Variants in UBE3D observed in about 807,000 individuals in gnomAD.
The protein encoded by UBE3D is ubiquitin protein ligase E3D, also known as E3 ubiquitin-protein ligase E3D.
UBE3D carries 48 observed loss-of-function variants against 49.6 expected under a neutral mutation model. The observed-to-expected ratio is 0.97, with a 90% CI of 0.77 to 1.23. UBE3D has a LOEUF of 1.23. Ranked by LOEUF, UBE3D falls within the 50% of genes most tolerant of loss-of-function variation. UBE3D has a pLI of 0.00. For synonymous variants in UBE3D, 189 were observed against 174.2 expected, an observed-to-expected ratio of 1.08 and a Z score of -0.67; for missense variants, 452 against 468.4, an observed-to-expected ratio of 0.96 and a Z score of 0.32.
downstream of UBE3D, among the ~76,000 whole-genome samples, chr6:82,891,541 A>T (rs1423513619): frequency 1.3e-5 from 2 of 152,186 alleles, no homozygotes; most frequent in African/African-American, 4.8e-5. Flanking sequence ...TCAACGTTTC[A>T]AACTGTGCTT....
intron 4 of UBE3D, among the ~76,000 whole-genome samples, chr6:83,043,262 A>T (rs1275857584): frequency 6.6e-6 from 1 of 152,142 alleles, no homozygotes; most frequent in Non-Finnish European, 1.5e-5. Context: ...CACAACTTCC[A>T]AATGTTTTTG....
chr6:83,064,147 T>C (rs1257069012), intron 1 of UBE3D, among the ~76,000 whole-genome samples: 1 of 152,224 alleles, frequency 6.6e-6, no homozygotes, highest in African/African-American at 2.4e-5. Context: ...AAAAAGTATA[T>C]ATTGTATGAA....
chr6:82,913,085 G>A (rs947206853), intron 9 of UBE3D, among the ~76,000 whole-genome samples: 4 of 152,220 alleles, frequency 2.6e-5, no homozygotes, highest in African/African-American at 9.6e-5. Flanking sequence ...AGAGGCTTTA[G>A]AATCAAATAA....
At chr6:82,985,851 A>G (rs1778450322) in intron 8 of UBE3D, among the ~76,000 whole-genome samples, 1 of 152,148 alleles carries the variant, frequency 6.6e-6, no homozygotes, top group Admixed American at 6.5e-5. Flanking sequence ...AATCAGGTCT[A>G]TTTCTGTTGT....
At chr6:82,881,816 C>T in the UBE3D span, among the ~76,000 whole-genome samples, 1 of 152,320 alleles carries the variant, frequency 6.6e-6, no homozygotes, top group East Asian at 1.9e-4. Flanking sequence ...TATTGGATTT[C>T]TCTAAGCCTC....
At chr6:82,985,007 TC>T (rs1352533958) in intron 8 of UBE3D, among the ~76,000 whole-genome samples, 3 of 93,208 alleles carry the variant, frequency 3.2e-5, no homozygotes, top group Non-Finnish European at 4.2e-5. Flanking sequence ...TTCTTCTTCT[TC>T]TTTTTTTTTT....
At chr6:83,038,267 A>G in intron 5 of UBE3D, 149 bp downstream of exon 5, 3 of 608,214 alleles carry the variant, frequency 4.9e-6, no homozygotes, top group Non-Finnish European at 8.4e-6. Flanking sequence ...GGTATATTGG[A>G]TGGTATGTTA....
At chr6:83,039,901 A>ATATAT (rs1205910970) in intron 4 of UBE3D, among the ~76,000 whole-genome samples, 6 of 152,072 alleles carry the variant, frequency 3.9e-5, no homozygotes, top group Non-Finnish European at 7.4e-5. Flanking sequence ...TGGCCTCCCT[A>ATATAT]AGTGCTGGGA....
intron 9 of UBE3D, among the ~76,000 whole-genome samples, chr6:82,934,985 T>C (rs1196115032): frequency 6.9e-5 from 4 of 58,044 alleles, no homozygotes; most frequent in African/African-American, 2.0e-4. Flanking sequence ...ACAAGGAGAA[T>C]AGGCAAGGAG....
At position 82,899,524 on chromosome 6, in the gene UBE3D, G is replaced by A. The variant is rs1771576850; in HGVS notation, c.1150-6482C>T. 2.6e-5 allele frequency among the ~76,000 whole-genome samples: 4 copies of A among 152,232 alleles called. No individual in the cohort carries two copies. The South Asian group carries it at 8.3e-4, about 32-fold the overall frequency. On this transcript the variant is annotated intron_variant, in intron 9 of 9. Coordinates refer to ENST00000369747, the MANE Select transcript of UBE3D (RefSeq NM_198920.3). ...AAAAAGTTAGGCTGAGCCTTGCTAT[G>A]TCTTCTAGCAGACATCTAGGTAAAA... is the stretch of plus-strand genomic sequence containing the variant.
intron 9 of UBE3D, among the ~76,000 whole-genome samples, chr6:82,926,115 C>A (rs1461551575): frequency 1.3e-5 from 2 of 152,110 alleles, no homozygotes; most frequent in Non-Finnish European, 2.9e-5. Context: ...TTTACTCAAG[C>A]CCCTTTCAAT....
intron 9 of UBE3D, among the ~76,000 whole-genome samples, chr6:82,951,461 G>C (rs1216020481): frequency 6.6e-6 from 1 of 152,158 alleles, no homozygotes; most frequent in African/African-American, 2.4e-5. Flanking sequence ...TCCACTCAGG[G>C]ACCAAGGCTA....
In UBE3D at chr6:82,892,890, C is replaced by A; in HGVS notation, c.*132G>T. 1.9e-6 allele frequency: 2 copies of A among 1,064,806 alleles called. No individual in the cohort carries two copies. The highest frequency in any genetic ancestry group is 2.9e-6 in the Non-Finnish European group (2 of 691,266). The allele number at this position is 1,064,806 out of a possible 1,614,324, so 66.0% of individuals were successfully genotyped here. On this transcript the variant is annotated 3_prime_UTR_variant, in exon 10 of 10. Transcript: ENST00000369747. The stretch of plus-strand genomic sequence containing the variant: ...ATGCAAACAAGTAAACTTAAAACTT[C>A]AATGCAATGCTCTTATCCCATAGCT...
At chr6:82,984,391 T>C (rs150242193) in intron 8 of UBE3D, among the ~76,000 whole-genome samples, 280 of 152,318 alleles carry the variant, frequency 1.8e-3, no homozygotes, top group Middle Eastern at 6.8e-3. Context: ...TGTCCTTTAA[T>C]TTCCATCAAT....
intron 9 of UBE3D, among the ~76,000 whole-genome samples, chr6:82,906,680 T>C (rs1376163029): frequency 1.3e-5 from 2 of 152,144 alleles, no homozygotes; most frequent in African/African-American, 4.8e-5. Context: ...TTTGAACACT[T>C]AACCTCATGT....
At chr6:83,036,081 T>C (rs1375080239) in intron 5 of UBE3D, 1 of 142,660 alleles carries the variant, frequency 7.0e-6, no homozygotes. Context: ...TGGAGTGCAG[T>C]GGCACGATCT....
Position 82,915,255 on chromosome 6 carries a change from C to T in UBE3D, c.1150-22213G>A, listed in dbSNP as rs184847479. 1.8e-3 allele frequency among the ~76,000 whole-genome samples: 277 copies of T among 152,190 alleles called. 1 individual carries two copies. Among genetic ancestry groups the T allele is most frequent in the African/African-American group, 6.3e-3 (260 of 41,518 alleles). ...ACACAGCCTAAATAATGTTGTGTTG[C>T]ATTAACCTTGAGCTATAATATGGCA... On this transcript the variant is annotated intron_variant, in intron 9 of 9. Transcript: ENST00000369747.
Position 83,042,059 on chromosome 6 carries a change from G to A in UBE3D, c.597+2369C>T, listed in dbSNP as rs183101456. Among the ~76,000 whole-genome samples, 1,233 of 152,046 alleles carry A rather than the reference G, an allele frequency of 8.1e-3. 19 individuals carry two copies. Among genetic ancestry groups the A allele is most frequent in the African/African-American group, 0.028 (1,169 of 41,468 alleles). ...TGAGTAGCTGGGACTACAGGCCCCC[G>A]CCACCACACCCGGCTAATTTTTTGT... is the stretch of plus-strand genomic sequence containing the variant. On this transcript the variant is annotated intron_variant, in intron 4 of 9. Coordinates refer to ENST00000369747, the MANE Select transcript of UBE3D (RefSeq NM_198920.3).
At position 82,931,509 on chromosome 6, in the gene UBE3D, G is replaced by T. The variant is rs1360345623; in HGVS notation, c.1149+25803C>A. On this transcript the variant is annotated intron_variant, in intron 9 of 9. Coordinates refer to ENST00000369747, the MANE Select transcript of UBE3D (RefSeq NM_198920.3). ...GGGGCTGTACCCTGCAAAGCCACAG[G>T]GACAGAGCTGCCCAAAGCCATGGGA... Among the ~76,000 whole-genome samples the T allele has an allele frequency of 5.3e-5, 8 of 152,340 alleles. No individual in the cohort carries two copies. In the South Asian group the frequency reaches 1.4e-3, roughly 28 times the overall value.
Sources: gnomAD v4.1 joint callset for allele counts (sites outside exome capture counted in the v4.1 genomes callset) on GRCh38, gnomAD v4.1.1 for gene constraint, MANE v1.5 for transcripts, NCBI Gene and HGNC (gene_info 2026-07-23, HGNC 2026-07-21) for gene names.